Variants in TTC28 observed in about 807,000 individuals in gnomAD.
The protein encoded by TTC28 is tetratricopeptide repeat protein 28.
In TTC28, 61 loss-of-function variants were observed where a neutral mutation model predicts 198.0. The observed-to-expected ratio is 0.31, with a 90% CI of 0.25 to 0.38. The LOEUF (loss-of-function observed/expected upper bound fraction) is 0.38. TTC28 is among the 10% of genes least tolerant of loss of function. The probability of loss-of-function intolerance (pLI) is 1.00; values close to 1 mark genes in which losing one functional copy is unlikely to be tolerated. For synonymous variants in TTC28, 1,171 were observed against 1,297.8 expected, an observed-to-expected ratio of 0.90 and a Z score of 2.10; for missense variants, 2,678 against 3,164.0, an observed-to-expected ratio of 0.85 and a Z score of 3.69.
intron 21 of TTC28, among the ~76,000 whole-genome samples, chr22:27,987,558 CCT>C (rs966002813): frequency 6.6e-6 from 1 of 152,122 alleles, no homozygotes; most frequent in Non-Finnish European, 1.5e-5. Flanking sequence ...ATGGCGAACC[CCT>C]GTGTCTACAA....
chr22:28,353,210 T>C (rs1340507031), intron 2 of TTC28, among the ~76,000 whole-genome samples: 2 of 152,094 alleles, frequency 1.3e-5, no homozygotes, highest in African/African-American at 2.4e-5. Context: ...GAGAGAAAAA[T>C]GTATTGCCTT....
chr22:28,041,655 T>C (rs932997234), intron 12 of TTC28, among the ~76,000 whole-genome samples: 1 of 152,120 alleles, frequency 6.6e-6, no homozygotes, highest in African/African-American at 2.4e-5. Flanking sequence ...GGCAATACCA[T>C]TCAGGACAGA....
chr22:28,432,402 CTCAT>C lies in TTC28; in HGVS notation c.382-125763_382-125760del, dbSNP rs1460470751. Among the ~76,000 whole-genome samples, 3 of 152,032 alleles carry C rather than the reference CTCAT, an allele frequency of 2.0e-5. No homozygotes were observed. In the East Asian group the frequency reaches 5.8e-4, roughly 29 times the overall value. On this transcript the variant is annotated intron_variant, in intron 2 of 22. Transcript: ENST00000397906. Reference sequence around the variant, plus strand: ...AAATTAGCTTTAGGAATTTTACATTCTCATTCATTCTTAATTCATATGAGACAAT... The same window carrying C: ...AAATTAGCTTTAGGAATTTTACATTCTCATTCTTAATTCATATGAGACAAT...
chr22:28,183,046 A>T (rs1923855205), intron 5 of TTC28, among the ~76,000 whole-genome samples: 1 of 148,592 alleles, frequency 6.7e-6, no homozygotes. Context: ...AACCCCTTCA[A>T]TGTCTTTTTT....
chr22:28,436,588 G>C (rs1005948239), intron 2 of TTC28, among the ~76,000 whole-genome samples: 11 of 152,200 alleles, frequency 7.2e-5, no homozygotes, highest in African/African-American at 2.7e-4. Flanking sequence ...AAGAAACTTA[G>C]TGAGCCATGT....
Position 28,083,902 on chromosome 22 carries a change from C to T in TTC28, c.3932+10178G>A, listed in dbSNP as rs141810200. On this transcript the variant is annotated intron_variant, in intron 12 of 22. Coordinates refer to ENST00000397906, the MANE Select transcript of TTC28 (RefSeq NM_001145418.2). The stretch of plus-strand genomic sequence containing the variant: ...CTCAGAGGGTCCTACGCCCACGGAG[C>T]CTCGCTCATTGCTAGCACAGCAGTC... 9.2e-3 allele frequency among the ~76,000 whole-genome samples: 1,405 copies of T among 152,330 alleles called. 23 individuals are homozygous for T. Among genetic ancestry groups the T allele is most frequent in the African/African-American group, 0.031 (1,307 of 41,580 alleles).
At chr22:28,018,312 G>GGT (rs1938461703) in intron 13 of TTC28, among the ~76,000 whole-genome samples, 1 of 147,100 alleles carries the variant, frequency 6.8e-6, no homozygotes, top group Non-Finnish European at 1.5e-5. Flanking sequence ...CGCGCGGGGG[G>GGT]GGGGGCGGGG....
intron 5 of TTC28, 52 bp from the exon 6 acceptor site, chr22:28,163,651 G>C (rs1921513034): frequency 6.8e-7 from 1 of 1,461,480 alleles, no homozygotes; most frequent in Non-Finnish European, 9.0e-7. Flanking sequence ...GAATGGTTTT[G>C]GTATATTTTG....
chr22:27,989,726 C>G (rs1011910418), intron 21 of TTC28, among the ~76,000 whole-genome samples, 152 bp downstream of exon 21: 1 of 152,056 alleles, frequency 6.6e-6, no homozygotes, highest in Non-Finnish European at 1.5e-5. Flanking sequence ...GGATTACATG[C>G]GTGAGCCACT....
chr22:28,663,614 G>A (rs1418862266), intron 1 of TTC28, among the ~76,000 whole-genome samples: 1 of 122,052 alleles, frequency 8.2e-6, no homozygotes, highest in African/African-American at 3.2e-5. Flanking sequence ...CGCACCACGA[G>A]ACTATATCCC....
chr22:28,484,613 T>C (rs1378325792), intron 2 of TTC28, among the ~76,000 whole-genome samples: 1 of 152,166 alleles, frequency 6.6e-6, no homozygotes, highest in African/African-American at 2.4e-5. Context: ...ATTAGTCTCA[T>C]TCCCTGCTCC....
intron 5 of TTC28, among the ~76,000 whole-genome samples, chr22:28,194,533 T>C (rs537205955): frequency 1.3e-3 from 198 of 152,106 alleles, no homozygotes; most frequent in African/African-American, 4.6e-3. Flanking sequence ...GAGAGACCGC[T>C]AGCAAGACTA....
At chr22:28,564,681 C>G (rs2049943481) in intron 2 of TTC28, among the ~76,000 whole-genome samples, 1 of 151,548 alleles carries the variant, frequency 6.6e-6, no homozygotes, top group South Asian at 2.1e-4. Flanking sequence ...CTAGGTATAC[C>G]TATCTAACAA....
chr22:28,633,549 G>A (rs1361747333), intron 1 of TTC28, among the ~76,000 whole-genome samples: 1 of 151,968 alleles, frequency 6.6e-6, no homozygotes. Flanking sequence ...GACCGCTTGA[G>A]CCTAGGGGGT....
chr22:28,293,276 T>C (rs1022646477), intron 5 of TTC28, among the ~76,000 whole-genome samples: 3 of 152,208 alleles, frequency 2.0e-5, no homozygotes, highest in African/African-American at 7.2e-5. Context: ...TATATTGGAA[T>C]GTTATTCAGA....
chr22:28,559,503 A>G (rs1880941208), intron 2 of TTC28, among the ~76,000 whole-genome samples: 1 of 151,836 alleles, frequency 6.6e-6, no homozygotes, highest in African/African-American at 2.4e-5. Flanking sequence ...TATCTACCAC[A>G]CTCCATCCCA....
At chr22:28,312,061 A>G (rs1601613297) in intron 2 of TTC28, among the ~76,000 whole-genome samples, 1 of 152,074 alleles carries the variant, frequency 6.6e-6, no homozygotes, top group East Asian at 1.9e-4. Flanking sequence ...AAAGGTTGCA[A>G]TCCTGGTCTC....
rs186197977 is a variant in TTC28 at position 28,227,528 on chromosome 22, T to C, written c.934-63929A>G. ...ATACCCAGAATATGTAAAGAACTCCTACAACCCAATTCAAAAATGGACTTG... is the reference window on the plus strand; with the variant it reads ...ATACCCAGAATATGTAAAGAACTCCCACAACCCAATTCAAAAATGGACTTG... On this transcript the variant is annotated intron_variant, in intron 5 of 22. Transcript: ENST00000397906. 9.3e-4 allele frequency among the ~76,000 whole-genome samples: 141 copies of C among 152,290 alleles called. 1 individual carries two copies. Among genetic ancestry groups the C allele is most frequent in the African/African-American group, 3.2e-3 (134 of 41,560 alleles).
intron 2 of TTC28, among the ~76,000 whole-genome samples, chr22:28,452,374 A>G (rs1037406511): frequency 6.3e-5 from 8 of 127,684 alleles, no homozygotes; most frequent in Non-Finnish European, 1.3e-4. Flanking sequence ...TGGGCAACAG[A>G]GCGAGATTCC....
Sources: gnomAD v4.1 joint callset for allele counts (sites outside exome capture counted in the v4.1 genomes callset) on GRCh38, gnomAD v4.1.1 for gene constraint, MANE v1.5 for transcripts, NCBI Gene and HGNC (gene_info 2026-07-23, HGNC 2026-07-21) for gene names.